The following SHISA6 variants were observed in gnomAD, a reference collection of about 807,000 sequenced individuals.
The protein encoded by SHISA6 is shisa family member 6, also known as protein shisa-6.
In SHISA6, 22 loss-of-function variants were observed where a neutral mutation model predicts 47.9. The observed-to-expected ratio is 0.46, with a 90% CI of 0.33 to 0.66. SHISA6 has a LOEUF of 0.66. SHISA6 is among the 30% of genes least tolerant of loss of function. The probability of loss-of-function intolerance (pLI) is 0.02; values close to 1 mark genes in which losing one functional copy is unlikely to be tolerated. For synonymous variants in SHISA6, 388 were observed against 337.8 expected (o/e 1.15, Z -1.63); for missense variants, 680 against 764.6 (o/e 0.89, Z 1.30).
At chr17:11,279,244 G>C (rs138466041) in intron 2 of SHISA6, among the ~76,000 whole-genome samples, 1 of 152,274 alleles carries the variant, frequency 6.6e-6, no homozygotes, top group African/African-American at 2.4e-5. Flanking sequence ...AGAGGGTGAG[G>C]CATGTAACCT....
chr17:11,440,797 T>C (rs1195517935), intron 3 of SHISA6, among the ~76,000 whole-genome samples: 2 of 151,898 alleles, frequency 1.3e-5, no homozygotes, highest in Non-Finnish European at 2.9e-5. Flanking sequence ...AACATTCAAA[T>C]GGAGTTAATA....
intron 2 of SHISA6, chr17:11,289,640 G>T (rs1434978854): frequency 6.6e-6 from 1 of 150,484 alleles, no homozygotes; most frequent in Non-Finnish European, 1.5e-5. Context: ...TCTATAATTA[G>T]TACAACTTTT....
intron 2 of SHISA6, among the ~76,000 whole-genome samples, chr17:11,349,300 T>C (rs1911795057): frequency 6.6e-6 from 1 of 152,202 alleles, no homozygotes; most frequent in African/African-American, 2.4e-5. Flanking sequence ...TAGTGCAGCT[T>C]TCACATTGGG....
At chr17:11,349,513 G>C (rs1483773087) in intron 2 of SHISA6, among the ~76,000 whole-genome samples, 1 of 152,186 alleles carries the variant, frequency 6.6e-6, no homozygotes, top group Non-Finnish European at 1.5e-5. Context: ...GTTATTTATG[G>C]TATGGATTTT....
intron 2 of SHISA6, among the ~76,000 whole-genome samples, chr17:11,363,674 C>G (rs1413851595): frequency 2.0e-5 from 3 of 152,118 alleles, no homozygotes; most frequent in Admixed American, 2.0e-4. Flanking sequence ...GGAGGTGGGA[C>G]TCGACTTCAG....
chr17:11,316,197 CTT>C (rs1910509471), intron 2 of SHISA6, among the ~76,000 whole-genome samples: 1 of 151,574 alleles, frequency 6.6e-6, no homozygotes, highest in African/African-American at 2.4e-5. Flanking sequence ...CACAGTAACT[CTT>C]GTTACTTTTG....
At chr17:11,462,834 G>C (rs2142314964) in intron 3 of SHISA6, among the ~76,000 whole-genome samples, 1 of 152,180 alleles carries the variant, frequency 6.6e-6, no homozygotes, top group African/African-American at 2.4e-5. Context: ...CACCATTTTG[G>C]CCAGGCTGGT....
At chr17:11,457,185 G>A (rs964700071) in intron 3 of SHISA6, among the ~76,000 whole-genome samples, 5 of 152,084 alleles carry the variant, frequency 3.3e-5, no homozygotes, top group African/African-American at 4.8e-5. Context: ...CCAGCGTTTC[G>A]AATGCATGCA....
At chr17:11,489,522 CCTGTGAAGTAGG>C (rs1430173418) in intron 3 of SHISA6, among the ~76,000 whole-genome samples, 3 of 151,986 alleles carry the variant, frequency 2.0e-5, no homozygotes, top group Non-Finnish European at 4.4e-5. Context: ...TTGCATTAAT[CCTGTGAAGTAGG>C]CAACTGCCCC....
At chr17:11,525,999 C>A (rs75497308) in intron 3 of SHISA6, among the ~76,000 whole-genome samples, 8,015 of 138,032 alleles carry the variant, frequency 0.058, 277 homozygotes, top group Non-Finnish European at 0.09. Flanking sequence ...ACAAGCGAGA[C>A]CCTATCTTAA....
In SHISA6 at chr17:11,379,894, A is replaced by G. The variant is rs983854208; in HGVS notation, c.895+385A>G. 1.7e-5 allele frequency: 4 copies of G among 236,542 alleles called. No homozygotes were observed. In the Admixed American group the frequency reaches 1.9e-4, roughly 11 times the overall value. 14.7% of individuals were successfully genotyped at this position (236,542 alleles called of 1,614,324 possible). On this transcript the variant is annotated intron_variant, in intron 3 of 5. Transcript: ENST00000441885. ...TTTGAAAGCTACATTTTATAAACCA[A>G]TGTCAATGTTCTGTACTGTGGTATC...
chr17:11,515,462 C>A (rs192693130), intron 3 of SHISA6, among the ~76,000 whole-genome samples: 200 of 151,720 alleles, frequency 1.3e-3, no homozygotes, highest in African/African-American at 4.6e-3. Context: ...AGAAGTTGAG[C>A]CTGAGACAAG....
intron 2 of SHISA6, among the ~76,000 whole-genome samples, chr17:11,349,325 T>G (rs2142219148): frequency 6.6e-6 from 1 of 152,324 alleles, no homozygotes; most frequent in Middle Eastern, 3.4e-3. Flanking sequence ...AAAGAAACTA[T>G]TTATCAGCTC....
intron 2 of SHISA6, chr17:11,289,875 C>A (rs1340985255): frequency 6.6e-6 from 1 of 151,936 alleles, no homozygotes; most frequent in Non-Finnish European, 1.5e-5. Context: ...TTGATAGAAC[C>A]AGTTAGTGTA....
chr17:11,425,678 C>T (rs796763270), intron 3 of SHISA6, among the ~76,000 whole-genome samples: 84 of 152,240 alleles, frequency 5.5e-4, no homozygotes, highest in African/African-American at 1.8e-3. Flanking sequence ...ATTTGGACCT[C>T]AAAAATACTA....
chr17:11,295,835 C>T (rs1240759307), intron 2 of SHISA6, among the ~76,000 whole-genome samples: 1 of 151,734 alleles, frequency 6.6e-6, no homozygotes, highest in Non-Finnish European at 1.5e-5. Flanking sequence ...TGGTGGCGGG[C>T]GCCTGTGGTC....
chr17:11,430,383 A>G (rs1914721166), intron 3 of SHISA6, among the ~76,000 whole-genome samples: 1 of 152,200 alleles, frequency 6.6e-6, no homozygotes, highest in Admixed American at 6.5e-5. Flanking sequence ...GGCCCCTGGC[A>G]TGGCACCAGC....
intron 2 of SHISA6, among the ~76,000 whole-genome samples, chr17:11,344,654 G>A (rs1911636969): frequency 6.6e-6 from 1 of 151,960 alleles, no homozygotes. Flanking sequence ...GTTTTAATTA[G>A]CATGTAATAA....
intron 2 of SHISA6, among the ~76,000 whole-genome samples, chr17:11,309,849 C>T (rs1389086560): frequency 6.6e-6 from 1 of 152,204 alleles, no homozygotes; most frequent in Non-Finnish European, 1.5e-5. Context: ...TCCCCATTTT[C>T]AAATCTGGAA....
Sources: gnomAD v4.1 joint callset for allele counts (sites outside exome capture counted in the v4.1 genomes callset) on GRCh38, gnomAD v4.1.1 for gene constraint, MANE v1.5 for transcripts, NCBI Gene and HGNC (gene_info 2026-07-23, HGNC 2026-07-21) for gene names.